Variants in KIF5C observed in about 807,000 individuals in gnomAD.
KIF5C encodes kinesin heavy chain isoform 5C.
KIF5C carries 18 observed loss-of-function variants against 125.2 expected under a neutral mutation model. The observed-to-expected ratio is 0.14, with a 90% CI of 0.10 to 0.21. KIF5C has a LOEUF of 0.21. Ranked by LOEUF, KIF5C falls within the 10% of genes least tolerant of loss-of-function variation. The pLI, the probability that KIF5C is intolerant of heterozygous loss-of-function variation, is 1.00. For synonymous variants in KIF5C, 405 were observed against 434.0 expected, an observed-to-expected ratio of 0.93 and a Z score of 0.83; for missense variants, 780 against 1,183.8, an observed-to-expected ratio of 0.66 and a Z score of 5.01.
chr2:149,019,999 C>G (rs1682484574), intron 25 of KIF5C, among the ~76,000 whole-genome samples: 1 of 152,152 alleles, frequency 6.6e-6, no homozygotes, highest in Admixed American at 6.5e-5. Flanking sequence ...TTGGTCCAGT[C>G]CCCTGCCTCT....
intron 1 of KIF5C, chr2:148,888,382 C>T (rs539709865): frequency 6.6e-6 from 1 of 152,354 alleles, no homozygotes; most frequent in South Asian, 2.1e-4. Context: ...TAATGAGGTC[C>T]CTCTGCCCCG....
chr2:148,877,671 AC>A (rs1681229649), intron 1 of KIF5C, among the ~76,000 whole-genome samples: 1 of 152,072 alleles, frequency 6.6e-6, no homozygotes, highest in Admixed American at 6.6e-5. Context: ...TGTTCTGGCA[AC>A]CCTATTTTTT....
At chr2:148,984,038 G>A (rs1006279794) in intron 15 of KIF5C, among the ~76,000 whole-genome samples, 1 of 152,164 alleles carries the variant, frequency 6.6e-6, no homozygotes, top group Non-Finnish European at 1.5e-5. Context: ...TCTCAAATTG[G>A]TTTATTTCTC....
At chr2:148,928,760 G>A (rs1473950176) in intron 2 of KIF5C, among the ~76,000 whole-genome samples, 1 of 152,100 alleles carries the variant, frequency 6.6e-6, no homozygotes, top group African/African-American at 2.4e-5. Context: ...TTTATAGAGT[G>A]GGGCCCTTTT....
intron 2 of KIF5C, among the ~76,000 whole-genome samples, chr2:148,927,572 T>A (rs1187992781): frequency 6.6e-6 from 1 of 152,156 alleles, no homozygotes; most frequent in Non-Finnish European, 1.5e-5. Context: ...ACTGTGATAT[T>A]GTGATGTAGC....
In KIF5C at chr2:148,991,157, A is replaced by G. The variant is rs1574818948; in HGVS notation, c.1864A>G (p.Ser622Gly). Residue 622 changes from serine (S) to glycine (G), a missense_variant, in exon 16 of 26, where the codon AGC becomes GGC. Around this residue, in one of 2 missense-constraint regions of KIF5C, gnomAD observed 573 missense variants for 742.6 expected, o/e 0.77. Coordinates refer to ENST00000435030, the MANE Select transcript of KIF5C (RefSeq NM_004522.3). ...GGACTCCAACAGGAAGATGAATGCC[A>G]GCGAGCGGGAGCTGGCAGCCTGCCA... ...QMDSNRKMNA[S>G]ERELAACQLL... 1.9e-6 allele frequency: 3 copies of G among 1,613,918 alleles called. No homozygotes were observed. Among genetic ancestry groups the G allele is most frequent in the Non-Finnish European group, 2.5e-6 (3 of 1,179,838 alleles).
intron 1 of KIF5C, chr2:148,884,425 C>T (rs1681454557): frequency 6.6e-6 from 1 of 152,006 alleles, no homozygotes; most frequent in Non-Finnish European, 1.5e-5. Flanking sequence ...TTTTTCTCTC[C>T]CCCCTTGATT....
intron 5 of KIF5C, 119 bp downstream of exon 5, chr2:148,941,777 C>A: frequency 6.9e-7 from 1 of 1,442,956 alleles, no homozygotes. Context: ...TACTCTGTTG[C>A]CTTCAGGGTA....
At chr2:148,960,034 C>T (rs976116363) in intron 10 of KIF5C, among the ~76,000 whole-genome samples, 7 of 152,176 alleles carry the variant, frequency 4.6e-5, no homozygotes, top group African/African-American at 1.7e-4. Context: ...CTTTCCAAAC[C>T]TTTGTTAAGC....
At chr2:149,010,007 T>G in intron 23 of KIF5C, 128 bp from the exon 24 acceptor site, 1 of 1,399,134 alleles carries the variant, frequency 7.1e-7, no homozygotes. Flanking sequence ...TTTCTGTGGT[T>G]GTACGGAGTG....
chr2:148,902,561 C>T (rs1680947913), intron 1 of KIF5C, among the ~76,000 whole-genome samples: 1 of 152,216 alleles, frequency 6.6e-6, no homozygotes, highest in South Asian at 2.1e-4. Context: ...AAGTGATCCA[C>T]CCACCTTGAC....
intron 19 of KIF5C, among the ~76,000 whole-genome samples, chr2:148,999,004 C>G (rs555838284): frequency 6.6e-6 from 1 of 152,180 alleles, no homozygotes; most frequent in East Asian, 1.9e-4. Context: ...TCCATGTGCT[C>G]ACTTCTTAGG....
At chr2:148,972,173 G>A (rs1161552808) in intron 11 of KIF5C, among the ~76,000 whole-genome samples, 6 of 152,254 alleles carry the variant, frequency 3.9e-5, no homozygotes, top group South Asian at 2.1e-4. Context: ...GGCTGGTCTC[G>A]AATTCCTGGC....
chr2:148,980,871 AT>A (rs941390725), intron 13 of KIF5C, among the ~76,000 whole-genome samples: 33 of 147,576 alleles, frequency 2.2e-4, no homozygotes, highest in African/African-American at 4.5e-4. Flanking sequence ...ACACCCAGCT[AT>A]TTTTTTTTTG....
chr2:148,906,481 C>T (rs2105061919), intron 1 of KIF5C, among the ~76,000 whole-genome samples: 1 of 152,170 alleles, frequency 6.6e-6, no homozygotes, highest in Non-Finnish European at 1.5e-5. Context: ...CCTGTAATCG[C>T]AGCTAAGGTG....
At chr2:149,006,285 G>A (rs1682005038) in intron 22 of KIF5C, among the ~76,000 whole-genome samples, 1 of 152,168 alleles carries the variant, frequency 6.6e-6, no homozygotes, top group Non-Finnish European at 1.5e-5. Context: ...AGATAGAGTC[G>A]GGTCTGAGAG....
intron 1 of KIF5C, among the ~76,000 whole-genome samples, chr2:148,918,527 G>A (rs1324760666): frequency 1.3e-5 from 2 of 152,194 alleles, no homozygotes; most frequent in East Asian, 1.9e-4. Flanking sequence ...AAACTTTCAG[G>A]GAAGGAGAAA....
intron 25 of KIF5C, among the ~76,000 whole-genome samples, chr2:149,021,686 A>G (rs1455577598): frequency 6.6e-6 from 1 of 151,580 alleles, no homozygotes; most frequent in East Asian, 1.9e-4. Flanking sequence ...AACAGAAAGC[A>G]TAATGCATAA....
In KIF5C at chr2:149,010,188, G is replaced by A. The variant is rs1682142506; in HGVS notation, c.2604G>A (p.Arg868=). The change falls in exon 24 of 26, where the codon CGG becomes CGA. Residue 868 remains arginine (R), a synonymous_variant. Coordinates refer to ENST00000435030, the MANE Select transcript of KIF5C (RefSeq NM_004522.3). The part of the protein sequence containing the change: ...LRCELPKLEK[R]LRATAERVKA... Reference sequence around the variant, plus strand: ...GTGAACTGCCCAAGCTGGAGAAGCGGCTGCGTGCCACGGCGGAGCGCGTCA... The same window carrying A: ...GTGAACTGCCCAAGCTGGAGAAGCGACTGCGTGCCACGGCGGAGCGCGTCA... The A allele has an allele frequency of 1.9e-6, 3 of 1,554,832 alleles. No homozygotes were observed. In the African/African-American group the frequency reaches 4.1e-5, roughly 21 times the overall value.
Sources: allele counts gnomAD v4.1 joint callset (sites outside exome capture counted in the v4.1 genomes callset), GRCh38; gene constraint gnomAD v4.1.1; regional missense constraint gnomAD v4.1.1; transcripts MANE v1.5; gene names NCBI Gene and HGNC (gene_info 2026-07-23, HGNC 2026-07-21).